METTL17: variants seen among roughly 807,000 people sequenced by gnomAD.
METTL17 encodes the protein ribosome assembly protein METTL17, mitochondrial.
A neutral mutation model predicts 59.4 loss-of-function variants in METTL17; 49 were observed. That is an observed-to-expected ratio of 0.82 (90% CI 0.66 to 1.05). The LOEUF is 1.05. METTL17 is among the 50% of genes least tolerant of loss of function. METTL17 has a pLI of 0.00. For missense variants in METTL17, 555 were observed against 578.4 expected, an observed-to-expected ratio of 0.96 and a Z score of 0.41; for synonymous variants, 208 against 209.2, an observed-to-expected ratio of 0.99 and a Z score of 0.05.
chr14:20,993,690 G>C (rs145618071), intron 6 of METTL17: 18 of 243,492 alleles, frequency 7.4e-5, no homozygotes, highest in Non-Finnish European at 1.3e-4. Context: ...GGCCAGGCTG[G>C]TCTCTAACTC....
rs374227907 is a variant in METTL17, at chr14:20,995,945, T to C, written c.990T>C (p.Phe330=). Residue 330 remains phenylalanine (F), a synonymous_variant, in exon 11 of 14, where the codon TTT becomes TTC. Coordinates refer to ENST00000339374, the MANE Select transcript of METTL17 (RefSeq NM_022734.3). ...TGGACCCTCGACCTGGTTTTGTCTT[T>C]GCCCCGGTGAGTATTACTTCTGCCT... ...SPLDPRPGFV[F]APCPHELPCP... The C allele has an allele frequency of 2.7e-5, 43 of 1,614,052 alleles. No individual in the cohort carries two copies. The highest frequency in any genetic ancestry group is 3.4e-5 in the Non-Finnish European group (40 of 1,180,030).
rs200068688 is a variant in METTL17, at chr14:20,995,233, G to C, written c.945G>C (p.Lys315Asn). The change falls in exon 10 of 14, where the codon AAG becomes AAC. Residue 315 changes from lysine (K) to asparagine (N), a missense_variant and splice_region_variant. Physicochemically the swap from Lys to Asn is moderately conservative, Grantham distance 94. Transcript: ENST00000339374. Reference sequence around the variant, plus strand: ...TGGATGCCAGGGATCTGGTCCTTAAGGTAAGGCTTCTTCTTCCCTCACTCC... The same window carrying C: ...TGGATGCCAGGGATCTGGTCCTTAACGTAAGGCTTCTTCTTCCCTCACTCC... ...LLMDARDLVL[K>N]GKEKSPLDPR... 1 of 1,613,912 alleles carries C rather than the reference G, an allele frequency of 6.2e-7. No individual in the cohort carries two copies. The highest frequency in any genetic ancestry group is 2.2e-5 in the East Asian group (1 of 44,880).
In METTL17 at chr14:20,994,829, A is replaced by G; in HGVS notation, c.804A>G (p.Leu268=). The G allele has an allele frequency of 6.2e-7, 1 of 1,614,136 alleles. No individual in the cohort carries two copies. The highest frequency in any genetic ancestry group is 8.5e-7 in the Non-Finnish European group (1 of 1,180,010). The change falls in exon 9 of 14, where the codon TTA becomes TTG. Residue 268 remains leucine, a synonymous_variant. Coordinates refer to ENST00000339374, the MANE Select transcript of METTL17 (RefSeq NM_022734.3). ...QFDVVVSAFS[L]SELPSKADRT... ...ATGTAGTAGTGTCAGCTTTTTCCTTAAGTGAACTGCCCAGCAAGGCTGACC... is the reference window on the plus strand; with the variant it reads ...ATGTAGTAGTGTCAGCTTTTTCCTTGAGTGAACTGCCCAGCAAGGCTGACC...
At chr14:20,990,714 C>T in intron 3 of METTL17, 116 bp downstream of exon 3, 2 of 1,322,082 alleles carry the variant, frequency 1.5e-6, no homozygotes, top group Non-Finnish European at 2.1e-6. Flanking sequence ...GACTTTCTAA[C>T]CAGAGCAGCA....
chr14:20,990,842 T>G, intron 3 of METTL17: 1 of 517,692 alleles, frequency 1.9e-6, no homozygotes, highest in Non-Finnish European at 3.4e-6. Flanking sequence ...TTGTTTTGTT[T>G]TTGCTTTGAG....
chr14:20,993,624 G>A (rs573107414), intron 6 of METTL17: 54 of 216,238 alleles, frequency 2.5e-4, no homozygotes, highest in Admixed American at 5.4e-4. Flanking sequence ...ACAGGTGCAC[G>A]CCACCACACC....
chr14:20,995,797 AGAATT>A (rs1880333677), intron 10 of METTL17, 99 bp from the exon 11 acceptor site: 1 of 834,608 alleles, frequency 1.2e-6, no homozygotes, highest in South Asian at 1.4e-5. Context: ...AATCGTTATT[AGAATT>A]GAGTGTTAAA....
At chr14:20,993,517 C>A in intron 6 of METTL17, 1 of 295,806 alleles carries the variant, frequency 3.4e-6, no homozygotes, top group Non-Finnish European at 6.3e-6. Flanking sequence ...ACTCTGTCGC[C>A]CAGGCTGGAG....
chr14:20,995,347 C>A, intron 10 of METTL17, 114 bp downstream of exon 10: 3 of 906,734 alleles, frequency 3.3e-6, no homozygotes, highest in Non-Finnish European at 5.3e-6. Context: ...GGAAACTGGG[C>A]GTATGAAGTC....
chr14:20,992,711 A>G, intron 5 of METTL17, 89 bp downstream of exon 5: 1 of 1,006,346 alleles, frequency 9.9e-7, no homozygotes, highest in Non-Finnish European at 1.6e-6. Context: ...TTCTTGGGAC[A>G]TTGCATATGC....
rs780621530 is a variant in METTL17, at chr14:20,996,702, G to A, written c.1256G>A (p.Arg419Gln). Residue 419 changes from arginine (R) to glutamine (Q), a missense_variant, in exon 13 of 14, where the codon CGG (arginine) becomes CAG (glutamine). Physicochemically the swap from Arg to Gln is conservative, Grantham distance 43. Transcript: ENST00000339374. ...HMQHAVLTAR[R>Q]HGRDLYRCAR... is the part of the protein sequence containing the mutation. ...CAGCATGCTGTGCTCACAGCCCGCC[G>A]GCACGGCAGGTATGGGGGGTGTGAC... 33 of 1,614,234 alleles carry A rather than the reference G, an allele frequency of 2.0e-5. No individual in the cohort carries two copies. The highest frequency in any genetic ancestry group is 1.6e-4 in the East Asian group (7 of 44,878).
Position 20,994,859 on chromosome 14 carries a change from T to C in METTL17, c.834T>C (p.Thr278=). 2 of 1,614,178 alleles carry C rather than the reference T, an allele frequency of 1.2e-6. No homozygotes were observed. Among genetic ancestry groups the C allele is most frequent in the South Asian group, 1.1e-5 (1 of 91,052 alleles). ...AACTGCCCAGCAAGGCTGACCGCAC[T>C]GAGGTAGTTCAAACCTTATGGCGTA... ...LSELPSKADR[T]EVVQTLWRKT... The change falls in exon 9 of 14, where the codon ACT becomes ACC. Residue 278 remains threonine (T), a synonymous_variant. Coordinates refer to ENST00000339374, the MANE Select transcript of METTL17 (RefSeq NM_022734.3).
Position 20,996,294 on chromosome 14 carries a change from T to A in METTL17, c.1080+2T>A, listed in dbSNP as rs771487916. The A allele has an allele frequency of 6.2e-7, 1 of 1,613,374 alleles. No individual in the cohort carries two copies. Among genetic ancestry groups the A allele is most frequent in the South Asian group, 1.1e-5 (1 of 91,012 alleles). On this transcript the variant is annotated splice_donor_variant, in intron 12 of 13. Coordinates refer to ENST00000339374, the MANE Select transcript of METTL17 (RefSeq NM_022734.3). LOFTEE classifies it high-confidence loss of function. The stretch of plus-strand genomic sequence containing the variant: ...TACCATCCCATCCCCTTCAGCTGGG[T>A]AGGTACCTGGGGATATTGCAGCAGG...
intron 4 of METTL17, 122 bp from the exon 5 acceptor site, chr14:20,992,419 T>C (rs2297718): frequency 0.33 from 274,773 of 830,804 alleles, 46,616 homozygotes; most frequent in Admixed American, 0.42. Context: ...CCCTTTTGTA[T>C]TGGGGAGTGA....
intron 4 of METTL17, 88 bp downstream of exon 4, chr14:20,992,293 T>G (rs1389359806): frequency 3.6e-6 from 3 of 844,938 alleles, no homozygotes; most frequent in Non-Finnish European, 5.8e-6. Context: ...ATCAATTTAG[T>G]ATTTTCTTTT....
chr14:20,994,505 T>G, intron 7 of METTL17, 38 bp from the exon 8 acceptor site: 2 of 1,546,456 alleles, frequency 1.3e-6, no homozygotes, highest in East Asian at 2.2e-5. Context: ...ATACCTAACT[T>G]CCTACACACT....
In METTL17 at chr14:20,997,018, A is replaced by C; in HGVS notation, c.*128A>C. 1 of 1,039,464 alleles carries C rather than the reference A, an allele frequency of 9.6e-7. No individual in the cohort carries two copies. The highest frequency in any genetic ancestry group is 1.3e-6 in the Non-Finnish European group (1 of 762,860). 64.4% of individuals were successfully genotyped at this position (1,039,464 alleles called of 1,614,324 possible). Reference sequence around the variant, plus strand: ...TTGAGATTTTTAATAATAAATAATAAATTTTTGAAGAATGGAAGTGGATTT... The same window carrying C: ...TTGAGATTTTTAATAATAAATAATACATTTTTGAAGAATGGAAGTGGATTT... On this transcript the variant is annotated 3_prime_UTR_variant, in exon 14 of 14. Transcript: ENST00000339374.
At chr14:20,994,739 T>A in intron 8 of METTL17, 55 bp from the exon 9 acceptor site, 3 of 1,543,210 alleles carry the variant, frequency 1.9e-6, no homozygotes, top group Non-Finnish European at 2.7e-6. Context: ...GACTTTGTTG[T>A]ATTCTTGGGA....
At chr14:20,993,331 A>T in intron 6 of METTL17, 140 bp downstream of exon 6, 1 of 716,254 alleles carries the variant, frequency 1.4e-6, no homozygotes, top group Non-Finnish European at 2.4e-6. Context: ...CCATCAGATT[A>T]GGCAAGGCAG....
Sources: allele counts gnomAD v4.1 joint callset, GRCh38; gene constraint gnomAD v4.1.1; transcripts MANE v1.5; gene names NCBI Gene and HGNC (gene_info 2026-07-23, HGNC 2026-07-21).